LIFR: variants seen among roughly 807,000 people sequenced by gnomAD.
LIFR encodes leukemia inhibitory factor receptor.
Under a neutral mutation model 122.2 loss-of-function variants are expected in LIFR, and 84 were observed. The observed-to-expected ratio is 0.69, with a 90% CI of 0.58 to 0.82. The LOEUF is 0.82. Among genes scored for constraint, LIFR ranks in the 40% least tolerant of loss-of-function variants. LIFR has a pLI of 0.00. For synonymous variants in LIFR, 422 were observed against 434.7 expected, an observed-to-expected ratio of 0.97 and a Z score of 0.36; for missense variants, 1,294 against 1,311.6, an observed-to-expected ratio of 0.99 and a Z score of 0.21.
At chr5:38,561,663 T>TA (rs1036076684) in intron 1 of LIFR, among the ~76,000 whole-genome samples, 3 of 152,332 alleles carry the variant, frequency 2.0e-5, no homozygotes, top group Admixed American at 6.5e-5. Context: ...CTGTGAATGT[T>TA]ATCGTTATTA....
At chr5:38,560,190 A>G (rs1398171199), upstream of LIFR, among the ~76,000 whole-genome samples, 1 of 152,146 alleles carries the variant, frequency 6.6e-6, no homozygotes, top group Non-Finnish European at 1.5e-5. Flanking sequence ...AAAACATTCT[A>G]CAAATTAAGC....
At chr5:38,573,366 T>C (rs1429701128) in intron 1 of LIFR, among the ~76,000 whole-genome samples, 1 of 152,180 alleles carries the variant, frequency 6.6e-6, no homozygotes, top group Non-Finnish European at 1.5e-5. Flanking sequence ...CAGGGGATAA[T>C]AATGAATCCT....
At chr5:38,520,993 G>A (rs1746368805) in intron 5 of LIFR, among the ~76,000 whole-genome samples, 1 of 152,120 alleles carries the variant, frequency 6.6e-6, no homozygotes, top group African/African-American at 2.4e-5. Flanking sequence ...CATTTTTGTA[G>A]GGAATGCATT....
intron 1 of LIFR, among the ~76,000 whole-genome samples, chr5:38,589,588 A>G (rs549679939): frequency 6.6e-6 from 1 of 152,332 alleles, no homozygotes; most frequent in Admixed American, 6.5e-5. Flanking sequence ...AGGGTTAAGG[A>G]TAAGATTTGA....
chr5:38,604,961 G>A (rs892184752), intron 2 of LIFR, among the ~76,000 whole-genome samples: 10 of 152,122 alleles, frequency 6.6e-5, no homozygotes, highest in African/African-American at 2.4e-4. Flanking sequence ...CTGGTGATTG[G>A]TTGAAAGAGT....
intron 1 of LIFR, among the ~76,000 whole-genome samples, chr5:38,574,872 A>T (rs929965456): frequency 2.6e-5 from 4 of 152,134 alleles, no homozygotes; most frequent in African/African-American, 7.2e-5. Context: ...TTTTACCTCT[A>T]TAGCTAGAAT....
chr5:38,548,075 G>A (rs1246377361), intron 1 of LIFR, among the ~76,000 whole-genome samples: 1 of 151,882 alleles, frequency 6.6e-6, no homozygotes, highest in African/African-American at 2.4e-5. Flanking sequence ...TCATGTGCTA[G>A]AATTTCTCAA....
At position 38,539,136 on chromosome 5, in the gene LIFR, AT is replaced by A. The variant is rs373889220; in HGVS notation, c.-19-8471del. Among the ~76,000 whole-genome samples, 73 of 151,890 alleles carry A rather than the reference AT, an allele frequency of 4.8e-4. 1 individual carries two copies. Among genetic ancestry groups the A allele is most frequent in the African/African-American group, 1.7e-3 (72 of 41,426 alleles). On this transcript the variant is annotated intron_variant, in intron 1 of 19. Transcript: ENST00000453190. Reference sequence around the variant, plus strand: ...CCACTGTGCCTGGCTAATTTTTTGTATTTTTTAGGAGAGACGGGGTTTCACC... The same window carrying A: ...CCACTGTGCCTGGCTAATTTTTTGTATTTTTAGGAGAGACGGGGTTTCACC...
chr5:38,559,230 A>G (rs1402505968), upstream of LIFR: 2 of 152,242 alleles, frequency 1.3e-5, no homozygotes, highest in South Asian at 2.1e-4. Context: ...CATTCCTTAC[A>G]CCATACTGAG....
At position 38,476,649 on chromosome 5, in the gene LIFR, G is replaced by A. The variant is rs2112333511; in HGVS notation, c.*4946C>T. 4.9e-6 allele frequency: 1 copy of A among 203,976 alleles called. No individual in the cohort carries two copies. Among genetic ancestry groups the A allele is most frequent in the South Asian group, 1.9e-4 (1 of 5,244 alleles). The allele number at this position is 203,976 out of a possible 1,614,324, so 12.6% of individuals were successfully genotyped here. A position where few individuals can be genotyped will look rare whatever the true frequency, so the allele number is the denominator to read the frequency against. The stretch of plus-strand genomic sequence containing the variant: ...CCACTCACATCTCTTAGTTTTTAGG[G>A]TATTCAGTCCCAGCAACCAAAAAAA... On this transcript the variant is annotated 3_prime_UTR_variant, in exon 20 of 20. Coordinates refer to ENST00000453190, the MANE Select transcript of LIFR (RefSeq NM_001127671.2).
In LIFR at chr5:38,481,748, G is replaced by C; in HGVS notation, c.3141C>G (p.Ser1047=). Residue 1047 remains serine (S), a synonymous_variant, in exon 20 of 20, where the codon TCC becomes TCG. Coordinates refer to ENST00000453190, the MANE Select transcript of LIFR (RefSeq NM_001127671.2). Reference sequence around the variant, plus strand: ...AGACAATCTCACTGTTGCTGTCTATGGATCTAGGAGAGTCTGGAGACACTA... The same window carrying C: ...AGACAATCTCACTGTTGCTGTCTATCGATCTAGGAGAGTCTGGAGACACTA... ...WNLVSPDSPR[S]IDSNSEIVSF... is the part of the protein sequence containing the mutation. The C allele has an allele frequency of 6.2e-7, 1 of 1,614,156 alleles. No individual in the cohort carries two copies. Among genetic ancestry groups the C allele is most frequent in the South Asian group, 1.1e-5 (1 of 91,078 alleles).
chr5:38,578,509 A>G (rs1171454367), intron 1 of LIFR, among the ~76,000 whole-genome samples: 1 of 150,426 alleles, frequency 6.6e-6, no homozygotes, highest in East Asian at 2.0e-4. Context: ...CCCAACCAAG[A>G]CTACTCATTT....
chr5:38,553,646 A>AT (rs1376420394), intron 1 of LIFR, among the ~76,000 whole-genome samples: 3 of 96,500 alleles, frequency 3.1e-5, no homozygotes, highest in Non-Finnish European at 5.9e-5. Flanking sequence ...ATATATATAT[A>AT]TATATATATA....
intron 1 of LIFR, among the ~76,000 whole-genome samples, chr5:38,577,469 GT>G (rs908298873): frequency 3.1e-4 from 47 of 152,146 alleles, no homozygotes; most frequent in African/African-American, 1.1e-3. Context: ...TTCCCACACT[GT>G]CCAGATAGTG....
intron 1 of LIFR, among the ~76,000 whole-genome samples, chr5:38,587,040 T>C (rs1749772176): frequency 6.6e-6 from 1 of 152,152 alleles, no homozygotes; most frequent in African/African-American, 2.4e-5. Context: ...GTCTATAAGG[T>C]AGACTGATGT....
intron 1 of LIFR, among the ~76,000 whole-genome samples, chr5:38,566,076 G>GA (rs1189734933): frequency 6.6e-6 from 1 of 151,996 alleles, no homozygotes; most frequent in East Asian, 1.9e-4. Flanking sequence ...AAAAAGAAAA[G>GA]AAAAAAAGAA....
chr5:38,509,060 C>T (rs938099870), intron 7 of LIFR, among the ~76,000 whole-genome samples: 5 of 152,150 alleles, frequency 3.3e-5, no homozygotes, highest in African/African-American at 4.8e-5. Flanking sequence ...AATATTTCAA[C>T]CTCCAAACGT....
chr5:38,506,705 A>C, intron 7 of LIFR, 73 bp from the exon 8 acceptor site: 1 of 1,265,872 alleles, frequency 7.9e-7, no homozygotes. Context: ...TATAAACGTC[A>C]ATGTTTTCCA....
rs1744888489 is a variant in LIFR, at chr5:38,496,549, A to G, written c.1718T>C (p.Val573Ala). ...EANGKILSYN[V>A]SCSSDEETQS... ...TGTTTCCTCATCTGATGAACACGATACATTGTAGGAAAGTATTTTTCCATT... is the reference window on the plus strand; with the variant it reads ...TGTTTCCTCATCTGATGAACACGATGCATTGTAGGAAAGTATTTTTCCATT... The change falls in exon 13 of 20, where the codon GTA becomes GCA. Residue 573 changes from valine (V) to alanine (A), a missense_variant. Val to Ala is a moderately conservative substitution (Grantham distance 64, BLOSUM62 0). Coordinates refer to ENST00000453190, the MANE Select transcript of LIFR (RefSeq NM_001127671.2). 6.2e-7 allele frequency: 1 copy of G among 1,613,962 alleles called. No homozygotes were observed. Among genetic ancestry groups the G allele is most frequent in the Non-Finnish European group, 8.5e-7 (1 of 1,179,798 alleles).
Sources: allele counts gnomAD v4.1 joint callset (sites outside exome capture counted in the v4.1 genomes callset), GRCh38; gene constraint gnomAD v4.1.1; transcripts MANE v1.5; gene names NCBI Gene and HGNC (gene_info 2026-07-23, HGNC 2026-07-21).